The following SMUG1 variants were observed in gnomAD, a reference collection of about 807,000 sequenced individuals.
The protein encoded by SMUG1 is single-strand-selective monofunctional uracil-DNA glycosylase 1.
A neutral mutation model predicts 23.9 loss-of-function variants in SMUG1; 13 were observed. That is an observed-to-expected ratio of 0.54 (90% CI 0.35 to 0.86). SMUG1 has a LOEUF of 0.86. SMUG1 is among the 40% of genes least tolerant of loss of function. The pLI is 0.01. For synonymous variants in SMUG1, 133 were observed against 139.8 expected, an observed-to-expected ratio of 0.95 and a Z score of 0.34; for missense variants, 313 against 339.5, an observed-to-expected ratio of 0.92 and a Z score of 0.61.
intron 3 of SMUG1, chr12:54,183,087 C>A: frequency 5.4e-6 from 1 of 184,112 alleles, no homozygotes; most frequent in Non-Finnish European, 1.1e-5. Flanking sequence ...CAGTTGGGGT[C>A]AATAAAAGCG....
chr12:54,164,213 C>G (rs1452565358), downstream of SMUG1, among the ~76,000 whole-genome samples: 1 of 151,084 alleles, frequency 6.6e-6, no homozygotes, highest in African/African-American at 2.4e-5. Context: ...AGAGGGGAAC[C>G]CACTGGGGCA....
chr12:54,172,237 C>G (rs1399791175), intron 2 of SMUG1: 3 of 394,938 alleles, frequency 7.6e-6, no homozygotes, highest in African/African-American at 6.1e-5. Flanking sequence ...CCCATCACCT[C>G]TTAGATCTCA....
downstream of SMUG1, among the ~76,000 whole-genome samples, chr12:54,161,632 AT>A (rs1940266678): frequency 6.6e-6 from 1 of 151,630 alleles, no homozygotes; most frequent in East Asian, 1.9e-4. This position sits in a 1 kb window ranked among gnomAD's most constrained non-coding sequence, Gnocchi z 4.2. Context: ...AATTCTGTTC[AT>A]CTCTCCCTTT....
chr12:54,176,225 TA>T (rs796290061), downstream of SMUG1, among the ~76,000 whole-genome samples: 358 of 129,252 alleles, frequency 2.8e-3, no homozygotes, highest in Middle Eastern at 4.5e-3. Flanking sequence ...AAACTCCATC[TA>T]AAAAAAAAAA....
chr12:54,159,197 C>T (rs771237030), intron 4 of SMUG1, among the ~76,000 whole-genome samples: 3 of 152,112 alleles, frequency 2.0e-5, no homozygotes, highest in Non-Finnish European at 4.4e-5. Context: ...GGTCTCATAA[C>T]AGCCCGGCGT....
intron 2 of SMUG1, chr12:54,187,373 C>T (rs1460943450): frequency 6.6e-6 from 1 of 152,242 alleles, no homozygotes; most frequent in South Asian, 2.1e-4. Flanking sequence ...TAGTCTTTAA[C>T]TGATCTGTTG....
downstream of SMUG1, among the ~76,000 whole-genome samples, chr12:54,160,188 A>G (rs1940201604): frequency 6.6e-6 from 1 of 152,200 alleles, no homozygotes; most frequent in Non-Finnish European, 1.5e-5. Flanking sequence ...AGAAAGAGAA[A>G]AGAGGAGGGG....
chr12:54,166,572 C>A (rs538852956), intron 3 of SMUG1, among the ~76,000 whole-genome samples: 17 of 152,304 alleles, frequency 1.1e-4, no homozygotes, highest in African/African-American at 3.1e-4. Context: ...CTTGGTCTAG[C>A]CCTCCGTGTG....
downstream of SMUG1, among the ~76,000 whole-genome samples, chr12:54,176,491 A>G (rs373236411): frequency 1.4e-5 from 2 of 139,064 alleles, no homozygotes; most frequent in Non-Finnish European, 3.1e-5. Context: ...AGCCTGGGAA[A>G]GAGAAGAAGA....
chr12:54,171,382 G>A (rs767738475), intron 3 of SMUG1, among the ~76,000 whole-genome samples: 1 of 151,424 alleles, frequency 6.6e-6, no homozygotes, highest in Non-Finnish European at 1.5e-5. Flanking sequence ...TCTCCAGTCT[G>A]GACTTCACCA....
At chr12:54,184,774 G>A (rs574916824) in intron 2 of SMUG1, among the ~76,000 whole-genome samples, 1 of 152,306 alleles carries the variant, frequency 6.6e-6, no homozygotes, top group South Asian at 2.1e-4. Flanking sequence ...GATGATTACA[G>A]ACTCCTCATA....
chr12:54,184,020 T>C (rs1592391936), intron 2 of SMUG1, 61 bp from the exon 3 acceptor site: 4 of 1,367,182 alleles, frequency 2.9e-6, no homozygotes, highest in African/African-American at 1.5e-5. Context: ...GAGGGATCCA[T>C]GCTTGCCAGG....
chr12:54,179,304 C>G (rs1055500335), downstream of SMUG1, among the ~76,000 whole-genome samples: 4 of 152,278 alleles, frequency 2.6e-5, no homozygotes, highest in African/African-American at 7.2e-5. Flanking sequence ...TCTCTCTAGA[C>G]CCTAATACAA....
intron 3 of SMUG1, 116 bp downstream of exon 3, chr12:54,183,540 G>A: frequency 9.7e-7 from 1 of 1,035,020 alleles, no homozygotes; most frequent in African/African-American, 1.6e-5. Flanking sequence ...ACAGAATGGG[G>A]CGGGAGGACC....
At chr12:54,160,423 G>A (rs1409579667), downstream of SMUG1, among the ~76,000 whole-genome samples, 2 of 152,170 alleles carry the variant, frequency 1.3e-5, no homozygotes, top group East Asian at 1.9e-4. Flanking sequence ...GTAGGGAAGA[G>A]CCCTGGCCAG....
At chr12:54,178,055 G>A (rs181415554), downstream of SMUG1, among the ~76,000 whole-genome samples, 12 of 152,324 alleles carry the variant, frequency 7.9e-5, no homozygotes, top group East Asian at 1.2e-3. Flanking sequence ...AGAAACACCA[G>A]GGAGGTACAT....
chr12:54,186,650 T>C (rs1942552851), intron 2 of SMUG1, among the ~76,000 whole-genome samples: 1 of 152,176 alleles, frequency 6.6e-6, no homozygotes, highest in Non-Finnish European at 1.5e-5. Flanking sequence ...TGGGAATCTG[T>C]ATTTTAAACA....
At chr12:54,185,086 A>G (rs1211542842) in intron 2 of SMUG1, among the ~76,000 whole-genome samples, 1 of 152,158 alleles carries the variant, frequency 6.6e-6, no homozygotes, top group Non-Finnish European at 1.5e-5. Flanking sequence ...AGGTGGGCAG[A>G]TCACCTGAGG....
downstream of SMUG1, among the ~76,000 whole-genome samples, chr12:54,162,942 A>C (rs1405205549): frequency 6.6e-6 from 1 of 152,160 alleles, no homozygotes; most frequent in East Asian, 1.9e-4. Context: ...CATAGAGGTA[A>C]ATCAGCTGCT....
Sources: gnomAD v4.1 joint callset for allele counts (sites outside exome capture counted in the v4.1 genomes callset) on GRCh38, gnomAD v4.1.1 for gene constraint, Gnocchi (gnomAD v3.1) non-coding constraint, MANE v1.5 for transcripts, NCBI Gene and HGNC (gene_info 2026-07-23, HGNC 2026-07-21) for gene names.